Variants in CCDC148 observed in about 807,000 individuals in gnomAD.
CCDC148 encodes the protein coiled-coil domain-containing protein 148.
A neutral mutation model predicts 85.7 loss-of-function variants in CCDC148; 89 were observed. The observed-to-expected ratio is 1.04, with a 90% CI of 0.87 to 1.24. CCDC148 has a LOEUF of 1.24. Ranked by LOEUF, CCDC148 falls within the 50% of genes most tolerant of loss-of-function variation. The pLI is 0.00. For synonymous variants in CCDC148, 230 were observed against 213.9 expected (o/e 1.08, Z -0.66); for missense variants, 692 against 671.7 (o/e 1.03, Z -0.33).
intron 1 of CCDC148, among the ~76,000 whole-genome samples, chr2:158,363,527 C>T (rs894372246): frequency 1.2e-4 from 19 of 152,178 alleles, no homozygotes; most frequent in Middle Eastern, 3.4e-3. Context: ...AATCAATAAA[C>T]GTAATCCATC....
chr2:158,448,355 T>A (rs955385570), intron 1 of CCDC148, among the ~76,000 whole-genome samples: 17 of 151,952 alleles, frequency 1.1e-4, no homozygotes, highest in Non-Finnish European at 1.8e-4. Context: ...ATTTTTTTTT[T>A]ATTTATTTTT....
At chr2:158,299,954 T>C (rs1405800451) in intron 9 of CCDC148, among the ~76,000 whole-genome samples, 16 of 152,200 alleles carry the variant, frequency 1.1e-4, no homozygotes. Context: ...GACTGGGTCA[T>C]ACAATCAGCT....
At chr2:158,404,348 T>C (rs533234676) in intron 1 of CCDC148, among the ~76,000 whole-genome samples, 1 of 152,104 alleles carries the variant, frequency 6.6e-6, no homozygotes, top group East Asian at 1.9e-4. Flanking sequence ...CAACATGAAA[T>C]ACAAAATCAT....
chr2:158,336,801 T>C (rs1238587163), intron 7 of CCDC148, among the ~76,000 whole-genome samples: 1 of 152,164 alleles, frequency 6.6e-6, no homozygotes, highest in Non-Finnish European at 1.5e-5. Context: ...ATATAACTAC[T>C]AAATTACTTT....
intron 11 of CCDC148, among the ~76,000 whole-genome samples, chr2:158,210,530 C>T (rs1432636018): frequency 6.6e-6 from 1 of 152,160 alleles, no homozygotes; most frequent in Non-Finnish European, 1.5e-5. Flanking sequence ...CACCACATCA[C>T]ACTTACTCTA....
intron 1 of CCDC148, among the ~76,000 whole-genome samples, chr2:158,416,136 T>C (rs530447183): frequency 5.9e-5 from 9 of 152,336 alleles, no homozygotes; most frequent in African/African-American, 1.4e-4. Context: ...TCTGGGACCC[T>C]TTTAGCCATG....
At chr2:158,423,223 A>G in intron 1 of CCDC148, among the ~76,000 whole-genome samples, 1 of 152,192 alleles carries the variant, frequency 6.6e-6, no homozygotes, top group East Asian at 1.9e-4. Flanking sequence ...AGAATTGGAA[A>G]AAACTACTTT....
chr2:158,278,404 A>G (rs1690068783), intron 9 of CCDC148, among the ~76,000 whole-genome samples: 1 of 152,186 alleles, frequency 6.6e-6, no homozygotes, highest in Admixed American at 6.5e-5. Context: ...GCACCTGGAA[A>G]ATCGGGTCAC....
chr2:158,257,327 T>C (rs1344841281), intron 9 of CCDC148, among the ~76,000 whole-genome samples: 1 of 151,882 alleles, frequency 6.6e-6, no homozygotes, highest in African/African-American at 2.4e-5. Context: ...TCTCCCTAAA[T>C]GTTACTATAA....
intron 1 of CCDC148, among the ~76,000 whole-genome samples, chr2:158,433,091 A>ATATATATAT (rs57287790): frequency 0.027 from 1,378 of 51,240 alleles, 41 homozygotes; most frequent in East Asian, 0.1. Flanking sequence ...AAAAAAAAAA[A>ATATATATAT]ATATATATAT....
At chr2:158,388,682 A>T (rs928025450) in intron 1 of CCDC148, among the ~76,000 whole-genome samples, 1 of 152,042 alleles carries the variant, frequency 6.6e-6, no homozygotes, top group African/African-American at 2.4e-5. Flanking sequence ...TTTAGTAGAG[A>T]CAGGGTTTCA....
At chr2:158,283,254 G>A (rs952434719) in intron 9 of CCDC148, among the ~76,000 whole-genome samples, 1 of 152,154 alleles carries the variant, frequency 6.6e-6, no homozygotes, top group Non-Finnish European at 1.5e-5. Context: ...AAAAGCAATG[G>A]CAACAAAAGC....
At position 158,211,028 on chromosome 2, in the gene CCDC148, C is replaced by A. The variant is rs192551291; in HGVS notation, c.1370+9567G>T. Among the ~76,000 whole-genome samples, 58 of 150,492 alleles carry A rather than the reference C, an allele frequency of 3.9e-4. No homozygotes were observed. In the East Asian group the frequency reaches 0.011, roughly 28 times the overall value. Reference sequence around the variant, plus strand: ...GGGAGGGGAACATCACACACCAGGGCCTACTTGGGGGTTGGGGGCTAGGGG... The same window carrying A: ...GGGAGGGGAACATCACACACCAGGGACTACTTGGGGGTTGGGGGCTAGGGG... On this transcript the variant is annotated intron_variant, in intron 11 of 13. Coordinates refer to ENST00000283233, the MANE Select transcript of CCDC148 (RefSeq NM_138803.4).
At position 158,289,857 on chromosome 2, in the gene CCDC148, C is replaced by A. The variant is rs371649503; in HGVS notation, c.1110+19576G>T. 3.2e-4 allele frequency among the ~76,000 whole-genome samples: 49 copies of A among 152,234 alleles called. No homozygotes were observed. The South Asian group carries it at 9.3e-3, about 29-fold the overall frequency. On this transcript the variant is annotated intron_variant, in intron 9 of 13. Coordinates refer to ENST00000283233, the MANE Select transcript of CCDC148 (RefSeq NM_138803.4). ...ATCAATAAATTGTGGTACACAATGG[C>A]CACACATAACAAAATATTGGGGGAA...
At chr2:158,288,736 C>G in intron 9 of CCDC148, 6 of 402,378 alleles carry the variant, frequency 1.5e-5, no homozygotes, top group Non-Finnish European at 9.8e-6. Flanking sequence ...TCCAAAGTCA[C>G]TTCCACATTT....
intron 2 of CCDC148, among the ~76,000 whole-genome samples, chr2:158,352,995 G>A (rs1051320991): frequency 6.6e-6 from 1 of 150,620 alleles, no homozygotes; most frequent in Non-Finnish European, 1.5e-5. Context: ...AAGTGAAGGA[G>A]AAATAAAATA....
chr2:158,453,468 G>A (rs1262801813), intron 1 of CCDC148, among the ~76,000 whole-genome samples: 5 of 151,954 alleles, frequency 3.3e-5, no homozygotes, highest in Admixed American at 6.6e-5. Flanking sequence ...CTCAGGCCCC[G>A]CTTATTCCAT....
At position 158,414,541 on chromosome 2, in the gene CCDC148, C is replaced by T. The variant is rs1686407777; in HGVS notation, c.25+41874G>A. On this transcript the variant is annotated intron_variant, in intron 1 of 13. Transcript: ENST00000283233. ...GCACACGTATACATATGTAACAAAC[C>T]TGCACGTTGTGCACATGTACCCTAA... Among the ~76,000 whole-genome samples the T allele has an allele frequency of 2.0e-5, 3 of 151,596 alleles. No homozygotes were observed. In the South Asian group the frequency reaches 6.3e-4, roughly 32 times the overall value.
chr2:158,382,111 T>C (rs917789597), intron 1 of CCDC148, among the ~76,000 whole-genome samples: 1 of 152,142 alleles, frequency 6.6e-6, no homozygotes, highest in Non-Finnish European at 1.5e-5. Context: ...GGCCCATCTT[T>C]GAGGCAGAGA....
Sources: allele counts gnomAD v4.1 joint callset (sites outside exome capture counted in the v4.1 genomes callset), GRCh38; gene constraint gnomAD v4.1.1; transcripts MANE v1.5; gene names NCBI Gene and HGNC (gene_info 2026-07-23, HGNC 2026-07-21).